MYH11: variants seen among roughly 807,000 people sequenced by gnomAD.
MYH11 encodes the protein myosin heavy chain 11, also known as myosin-11.
MYH11 carries 80 observed loss-of-function variants against 246.6 expected under a neutral mutation model. That is an observed-to-expected ratio of 0.32 (90% CI 0.27 to 0.39). The LOEUF is 0.39. MYH11 is among the 10% of genes least tolerant of loss of function. MYH11 has a pLI of 1.00. For synonymous variants in MYH11, 1,071 were observed against 1,015.5 expected (o/e 1.05, Z -1.04); for missense variants, 2,158 against 2,546.8 (o/e 0.85, Z 3.29).
intron 9 of MYH11, among the ~76,000 whole-genome samples, chr16:15,767,939 T>A (rs72772041): frequency 0.14 from 21,544 of 150,528 alleles, 1,921 homozygotes; most frequent in South Asian, 0.32. Flanking sequence ...AAAAAAAAAT[T>A]TTTTTTTTTT....
intron 2 of MYH11, among the ~76,000 whole-genome samples, chr16:15,833,407 G>A (rs112341485): frequency 2.2e-5 from 3 of 135,906 alleles, no homozygotes; most frequent in Non-Finnish European, 3.4e-5. Context: ...AAGGAAGGAA[G>A]GAAGGGAGGA....
intron 4 of MYH11, among the ~76,000 whole-genome samples, chr16:15,790,227 C>T (rs1229476020): frequency 1.3e-5 from 2 of 152,160 alleles, no homozygotes; most frequent in African/African-American, 4.8e-5. Context: ...ATCCCTTGAA[C>T]CCAGGAGGCG....
intron 35 of MYH11, 58 bp downstream of exon 35, chr16:15,719,527 C>T: frequency 6.2e-7 from 1 of 1,611,360 alleles, no homozygotes; most frequent in South Asian, 1.1e-5. Flanking sequence ...CTGGAGCTGC[C>T]AAGGGGTGCT....
At chr16:15,747,794 G>C in intron 18 of MYH11, 64 bp from the exon 19 acceptor site, 2 of 1,612,338 alleles carry the variant, frequency 1.2e-6, no homozygotes, top group Non-Finnish European at 1.7e-6. Context: ...GTGATGACAT[G>C]GGTAAGAACG....
intron 6 of MYH11, among the ~76,000 whole-genome samples, chr16:15,780,474 C>CTTTTTTTTTGTTTTTTTTTTT (rs2042326119): frequency 1.4e-5 from 1 of 69,002 alleles, no homozygotes; most frequent in African/African-American, 6.1e-5. Context: ...GATTTTTACG[C>CTTTTTTTTTGTTTTTTTTTTT]TTTTTTTTTT....
In MYH11 at chr16:15,837,947, T is replaced by C. The variant is rs1241449568; in HGVS notation, c.306A>G (p.Leu102=). The part of the protein sequence containing the change: ...ELTCLNEASV[L]HNLRERYFSG... ...AGAAGTACCGCTCCCTCAGGTTGTG[T>C]AGCACGGAGGCTTCGTTGAGGCACG... Residue 102 remains leucine, a synonymous_variant, in exon 2 of 41, where the codon CTA becomes CTG. Coordinates refer to ENST00000300036, the MANE Select transcript of MYH11 (RefSeq NM_002474.3). The C allele has an allele frequency of 6.2e-7, 1 of 1,614,034 alleles. No homozygotes were observed. Among genetic ancestry groups the C allele is most frequent in the African/African-American group, 1.3e-5 (1 of 74,920 alleles).
chr16:15,719,355 CCCCA>C lies in MYH11; in HGVS notation c.5083-51_5083-48del, dbSNP rs1197832156. ...TGTTGTCTGCCAGGGAAAGGCCAAG[CCCCA>C]CCAAGAGTCCACCCTGACAACTCAG... On this transcript the variant is annotated intron_variant, in intron 35 of 40. Coordinates refer to ENST00000300036, the MANE Select transcript of MYH11 (RefSeq NM_002474.3). 4 of 1,585,292 alleles carry C rather than the reference CCCCA, an allele frequency of 2.5e-6. No individual in the cohort carries two copies. The Middle Eastern group carries it at 6.6e-4, about 264-fold the overall frequency.
intron 12 of MYH11, among the ~76,000 whole-genome samples, chr16:15,759,257 A>G (rs1402818471): frequency 1.4e-5 from 2 of 141,630 alleles, no homozygotes; most frequent in African/African-American, 5.3e-5. Context: ...TGTGGCAGCC[A>G]TCTTGCCCCC....
At chr16:15,758,924 A>G (rs539454362) in intron 12 of MYH11, among the ~76,000 whole-genome samples, 41 of 150,810 alleles carry the variant, frequency 2.7e-4, no homozygotes, top group Non-Finnish European at 5.0e-4. Context: ...AAATTGTGAC[A>G]CTGCATTCCA....
intron 40 of MYH11, chr16:15,711,384 G>A (rs1387079856): frequency 6.6e-6 from 1 of 152,290 alleles, no homozygotes; most frequent in African/African-American, 2.4e-5. Context: ...CTTTTTAGTG[G>A]AGAAGTAGGC....
chr16:15,724,037 C>T (rs919874452), intron 31 of MYH11, 124 bp downstream of exon 31: 1 of 1,523,912 alleles, frequency 6.6e-7, no homozygotes, highest in Non-Finnish European at 9.0e-7. Flanking sequence ...GACAGCCTCC[C>T]ATGGCTCCCC....
chr16:15,759,432 C>A (rs146923669), intron 12 of MYH11, 144 bp downstream of exon 12: 2 of 1,054,898 alleles, frequency 1.9e-6, no homozygotes, highest in South Asian at 1.3e-5. Context: ...GTCTCTTATA[C>A]CCTCAATGAT....
chr16:15,823,295 G>A lies in MYH11; in HGVS notation c.462C>T (p.Ile154=). 6.2e-7 allele frequency: 1 copy of A among 1,614,220 alleles called. No individual in the cohort carries two copies. Residue 154 remains isoleucine (I), a synonymous_variant, in exon 3 of 41, where the codon ATC becomes ATT. Transcript: ENST00000300036. The part of the protein sequence containing the change: ...GKKRHEMPPH[I]YAIADTAYRS... ...GGTAGGCCGTGTCTGCGATGGCGTA[G>A]ATGTGAGGCGGCATCTCGTGCCTCT...
intron 14 of MYH11, among the ~76,000 whole-genome samples, chr16:15,754,161 G>A (rs562818535): frequency 5.9e-5 from 9 of 152,258 alleles, no homozygotes; most frequent in African/African-American, 1.9e-4. Context: ...AGATTGCAGT[G>A]AGCTGAGATT....
At position 15,724,385 on chromosome 16, in the gene MYH11, G is replaced by A; in HGVS notation, c.4141C>T (p.Gln1381Ter). 6.2e-7 allele frequency: 1 copy of A among 1,614,046 alleles called. No individual in the cohort carries two copies. The highest frequency in any genetic ancestry group is 8.5e-7 in the Non-Finnish European group (1 of 1,180,026). Residue 1381 changes from glutamine (Q) to a stop codon, truncating the protein, a stop_gained, in exon 31 of 41, where the codon CAG becomes TAG. Transcript: ENST00000300036. LOFTEE classifies it high-confidence loss of function. ...GCTTCCACGGTGCTGGCAAAGTCCT[G>A]CAGCTTCTTCTTCGAGTCGGAGAGC... Reference protein sequence around the residue: ...IQLSDSKKKLQDFASTVEALE... With the variant: ...IQLSDSKKKL
intron 3 of MYH11, among the ~76,000 whole-genome samples, chr16:15,813,053 G>A (rs2043177100): frequency 6.6e-6 from 1 of 152,162 alleles, no homozygotes; most frequent in South Asian, 2.1e-4. Context: ...TGTAATCCCA[G>A]CTACTCAGGA....
At chr16:15,824,595 G>A (rs1322718974) in intron 2 of MYH11, among the ~76,000 whole-genome samples, 2 of 152,184 alleles carry the variant, frequency 1.3e-5, no homozygotes, top group East Asian at 1.9e-4. Context: ...AGGGAATGTC[G>A]TTAACTGAAC....
At chr16:15,840,063 A>G (rs1242825766) in intron 1 of MYH11, among the ~76,000 whole-genome samples, 2 of 152,098 alleles carry the variant, frequency 1.3e-5, no homozygotes. Flanking sequence ...AAAAATTAAA[A>G]AAAAGAGTTG....
chr16:15,737,673 G>C, intron 24 of MYH11, 53 bp from the exon 25 acceptor site: 2 of 1,596,610 alleles, frequency 1.3e-6, no homozygotes, highest in East Asian at 2.2e-5. Flanking sequence ...GAGATGCCCG[G>C]AAATGAGCCT....
Sources: allele counts gnomAD v4.1 joint callset (sites outside exome capture counted in the v4.1 genomes callset), GRCh38; gene constraint gnomAD v4.1.1; transcripts MANE v1.5; gene names NCBI Gene and HGNC (gene_info 2026-07-23, HGNC 2026-07-21).